Variants in HIBADH observed in about 807,000 individuals in gnomAD.
HIBADH encodes 3-hydroxyisobutyrate dehydrogenase, also known as 3-hydroxyisobutyrate dehydrogenase, mitochondrial.
A neutral mutation model predicts 36.1 loss-of-function variants in HIBADH; 25 were observed. The ratio of observed to expected loss-of-function variants is 0.69; its 90% CI spans 0.50 to 0.97. The LOEUF is 0.97. Among genes scored for constraint, HIBADH ranks in the 50% least tolerant of loss-of-function variants. The pLI, the probability that HIBADH is intolerant of heterozygous loss-of-function variation, is 0.00. For missense variants in HIBADH, 421 were observed against 418.0 expected (o/e 1.01, Z -0.06); for synonymous variants, 160 against 149.5 (o/e 1.07, Z -0.51).
At chr7:27,618,493 A>G (rs1785474256) in intron 4 of HIBADH, among the ~76,000 whole-genome samples, 1 of 152,126 alleles carries the variant, frequency 6.6e-6, no homozygotes, top group South Asian at 2.1e-4. Flanking sequence ...CACTATTGCC[A>G]TTGCCCATAC....
Position 27,645,368 on chromosome 7 carries a change from A to ATTTTTTT in HIBADH, c.252+4098_252+4104dup, listed in dbSNP as rs762685685. ...CTAGTGGGTGTGTCTCATGGTTTTG[A>ATTTTTTT]TTTTTTTTTTTTTTTTTTTTTTTTT... On this transcript the variant is annotated intron_variant, in intron 2 of 7. Coordinates refer to ENST00000265395, the MANE Select transcript of HIBADH (RefSeq NM_152740.4). Among the ~76,000 whole-genome samples the ATTTTTTT allele has an allele frequency of 2.5e-3, 146 of 59,586 alleles. 26 individuals carry two copies. Among genetic ancestry groups the ATTTTTTT allele is most frequent in the African/African-American group, 4.0e-3 (64 of 15,844 alleles). 39.1% of individuals were successfully genotyped at this position (59,586 alleles called of 152,430 possible).
At chr7:27,561,959 T>C (rs1291152084) in intron 4 of HIBADH, among the ~76,000 whole-genome samples, 3 of 152,144 alleles carry the variant, frequency 2.0e-5, no homozygotes, top group Non-Finnish European at 4.4e-5. Context: ...ATTTGCATGG[T>C]ATGTAAGAAA....
intron 2 of HIBADH, among the ~76,000 whole-genome samples, chr7:27,648,787 C>A (rs1468916503): frequency 2.6e-5 from 4 of 152,196 alleles, no homozygotes; most frequent in Admixed American, 1.3e-4. Context: ...TACCAAAATT[C>A]TTTAAACATG....
intron 4 of HIBADH, among the ~76,000 whole-genome samples, chr7:27,603,470 T>C (rs1785166758): frequency 6.6e-6 from 1 of 152,160 alleles, no homozygotes; most frequent in South Asian, 2.1e-4. Flanking sequence ...TTCTTTATTT[T>C]TTTAACCATA....
chr7:27,639,578 T>G (rs1785922700), intron 2 of HIBADH, among the ~76,000 whole-genome samples: 1 of 152,020 alleles, frequency 6.6e-6, no homozygotes, highest in African/African-American at 2.4e-5. Flanking sequence ...CACAATTACC[T>G]CCGAACCTAA....
At chr7:27,542,854 A>G in intron 5 of HIBADH, 113 bp downstream of exon 5, 2 of 1,177,340 alleles carry the variant, frequency 1.7e-6, no homozygotes, top group Non-Finnish European at 1.2e-6. Context: ...TTAAAATCTG[A>G]GCAAAGAATC....
chr7:27,592,056 T>C (rs919796595), intron 4 of HIBADH, among the ~76,000 whole-genome samples: 1 of 152,214 alleles, frequency 6.6e-6, no homozygotes, highest in African/African-American at 2.4e-5. Context: ...TCTTTGTAAA[T>C]GCTATATTCC....
At chr7:27,609,568 C>T (rs1321969998) in intron 4 of HIBADH, among the ~76,000 whole-genome samples, 1 of 152,126 alleles carries the variant, frequency 6.6e-6, no homozygotes, top group Non-Finnish European at 1.5e-5. Flanking sequence ...GTTCTGTGTA[C>T]TAGTACTGAT....
chr7:27,593,579 T>C (rs1215447930), intron 4 of HIBADH, among the ~76,000 whole-genome samples: 2 of 152,190 alleles, frequency 1.3e-5, no homozygotes, highest in Non-Finnish European at 2.9e-5. Context: ...ATTAACTCAA[T>C]AAAAGCATTT....
intron 4 of HIBADH, among the ~76,000 whole-genome samples, chr7:27,580,504 CTT>C (rs1211464095): frequency 6.6e-6 from 1 of 152,138 alleles, no homozygotes; most frequent in Non-Finnish European, 1.5e-5. Flanking sequence ...GCAGAAAACT[CTT>C]TAAATGAACA....
intron 4 of HIBADH, among the ~76,000 whole-genome samples, chr7:27,545,667 C>T (rs1355991843): frequency 6.6e-6 from 1 of 152,082 alleles, no homozygotes; most frequent in Non-Finnish European, 1.5e-5. Context: ...AATGCATACT[C>T]GGGTAGTTGC....
intron 4 of HIBADH, among the ~76,000 whole-genome samples, chr7:27,603,064 C>T (rs1277211040): frequency 6.6e-6 from 1 of 152,136 alleles, no homozygotes; most frequent in African/African-American, 2.4e-5. Flanking sequence ...TTCTCCCTTG[C>T]TTGCTCATGC....
At chr7:27,552,887 C>G (rs1784337495) in intron 4 of HIBADH, among the ~76,000 whole-genome samples, 1 of 152,158 alleles carries the variant, frequency 6.6e-6, no homozygotes, top group South Asian at 2.1e-4. Flanking sequence ...AAATAGAGCT[C>G]TGCATCAAAA....
At chr7:27,653,630 G>A (rs1206108719) in intron 1 of HIBADH, among the ~76,000 whole-genome samples, 4 of 151,842 alleles carry the variant, frequency 2.6e-5, no homozygotes, top group East Asian at 1.9e-4. Flanking sequence ...CCAGCTACTC[G>A]GGAGGCTGAG....
At chr7:27,593,168 A>G (rs1003938014) in intron 4 of HIBADH, among the ~76,000 whole-genome samples, 1 of 152,196 alleles carries the variant, frequency 6.6e-6, no homozygotes, top group African/African-American at 2.4e-5. Flanking sequence ...CAGTCCAAAA[A>G]TCTGAAATCC....
At chr7:27,571,522 GCTAT>G (rs1295428536) in intron 4 of HIBADH, among the ~76,000 whole-genome samples, 15 of 152,252 alleles carry the variant, frequency 9.9e-5, no homozygotes, top group Admixed American at 5.2e-4. Flanking sequence ...ACTGCTCCAG[GCTAT>G]CTTTTATTTC....
intron 2 of HIBADH, among the ~76,000 whole-genome samples, chr7:27,645,371 T>TTTG (rs1786045956): frequency 1.8e-5 from 2 of 111,120 alleles, no homozygotes. Flanking sequence ...GGTTTTGATT[T>TTTG]TTTTTTTTTT....
intron 4 of HIBADH, among the ~76,000 whole-genome samples, chr7:27,583,709 G>A (rs1784822853): frequency 6.6e-6 from 1 of 151,758 alleles, no homozygotes; most frequent in Non-Finnish European, 1.5e-5. Context: ...TTTTAAACCA[G>A]TGGTTCTTAA....
chr7:27,610,122 A>T (rs921286769), intron 4 of HIBADH, among the ~76,000 whole-genome samples: 1 of 152,170 alleles, frequency 6.6e-6, no homozygotes, highest in African/African-American at 2.4e-5. Context: ...CCTGGCCAAA[A>T]GTAACTTTAA....
Sources: allele counts gnomAD v4.1 joint callset (sites outside exome capture counted in the v4.1 genomes callset), GRCh38; gene constraint gnomAD v4.1.1; transcripts MANE v1.5; gene names NCBI Gene and HGNC (gene_info 2026-07-23, HGNC 2026-07-21).